AFG3L2: variants seen among roughly 807,000 people sequenced by gnomAD.
The protein encoded by AFG3L2 is AFG3 like matrix AAA peptidase subunit 2.
AFG3L2 carries 54 observed loss-of-function variants against 94.5 expected under a neutral mutation model. That is an observed-to-expected ratio of 0.57 (90% CI 0.46 to 0.72). AFG3L2 has a LOEUF of 0.72. Among genes scored for constraint, AFG3L2 ranks in the 30% least tolerant of loss-of-function variants. The pLI, the probability that AFG3L2 is intolerant of heterozygous loss-of-function variation, is 0.00. For missense variants in AFG3L2, 754 were observed against 994.9 expected (o/e 0.76, Z 3.26); for synonymous variants, 377 against 365.5 (o/e 1.03, Z -0.36).
rs181203431 is a variant in AFG3L2 at position 12,338,317 on chromosome 18, T to G, written c.1981-782A>C. Among the ~76,000 whole-genome samples the G allele has an allele frequency of 1.7e-3, 258 of 152,300 alleles. 7 individuals are homozygous for G. The highest frequency in any genetic ancestry group is 0.017 in the Admixed American group (254 of 15,292). ...ACCTGAAGAAACAAGAACCCCCAGCTGCCAACAGGTTCTTCCCAGAAGGAT... is the reference window on the plus strand; with the variant it reads ...ACCTGAAGAAACAAGAACCCCCAGCGGCCAACAGGTTCTTCCCAGAAGGAT... On this transcript the variant is annotated intron_variant, in intron 15 of 16. Transcript: ENST00000269143.
At position 12,337,442 on chromosome 18, in the gene AFG3L2, C is replaced by A. The variant is rs764867109; in HGVS notation, c.2074G>T (p.Ala692Ser). ...DMVLEKPYSE[A>S]TARLIDDEVR... ...TCATCATCTATCAATCTTGCAGTGG[C>A]TTCACTGTAAGGTTTCTCCAATACC... is the stretch of plus-strand genomic sequence containing the variant. Residue 692 changes from alanine (A) to serine (S), a missense_variant, in exon 16 of 17, where the codon GCC becomes TCC. Transcript: ENST00000269143. The A allele has an allele frequency of 1.2e-6, 2 of 1,613,662 alleles. No individual in the cohort carries two copies. Among genetic ancestry groups the A allele is most frequent in the Non-Finnish European group, 1.7e-6 (2 of 1,179,518 alleles).
intron 12 of AFG3L2, 62 bp from the exon 13 acceptor site, chr18:12,348,445 A>G: frequency 7.9e-7 from 1 of 1,259,384 alleles, no homozygotes. Flanking sequence ...CAGTCACACA[A>G]TATGGACAGC....
intron 2 of AFG3L2, 59 bp from the exon 3 acceptor site, chr18:12,370,985 C>A: frequency 8.7e-7 from 1 of 1,148,740 alleles, no homozygotes; most frequent in East Asian, 2.6e-5. Context: ...GGTTTGTGTT[C>A]ATTTTGTTTT....
At chr18:12,365,296 T>G (rs1353966336) in intron 5 of AFG3L2, among the ~76,000 whole-genome samples, 1 of 152,130 alleles carries the variant, frequency 6.6e-6, no homozygotes, top group Non-Finnish European at 1.5e-5. Context: ...AGAAGCCACC[T>G]CGAGGACCTG....
intron 1 of AFG3L2, among the ~76,000 whole-genome samples, chr18:12,374,641 C>G (rs928789355): frequency 6.6e-6 from 1 of 152,214 alleles, no homozygotes; most frequent in Non-Finnish European, 1.5e-5. Context: ...CTGAGTGATA[C>G]AGGGACAATA....
At chr18:12,340,134 A>G in intron 15 of AFG3L2, 67 bp downstream of exon 15, 2 of 1,421,844 alleles carry the variant, frequency 1.4e-6, no homozygotes, top group Non-Finnish European at 2.0e-6. Context: ...AGAGCCATTC[A>G]TAGAATGTCA....
intron 16 of AFG3L2, among the ~76,000 whole-genome samples, chr18:12,333,224 T>C (rs1399442734): frequency 8.2e-6 from 1 of 122,430 alleles, no homozygotes; most frequent in African/African-American, 3.2e-5. Context: ...ATCTATTATA[T>C]AAATATATGA....
intron 9 of AFG3L2, 122 bp from the exon 10 acceptor site, chr18:12,353,280 C>T (rs771466420): frequency 7.6e-5 from 93 of 1,217,528 alleles, no homozygotes; most frequent in Non-Finnish European, 9.8e-5. Flanking sequence ...TGTGGGAGGC[C>T]GAGGCTGGTG....
At chr18:12,342,411 T>C (rs1907982185) in intron 14 of AFG3L2, 1 of 152,224 alleles carries the variant, frequency 6.6e-6, no homozygotes, top group African/African-American at 2.4e-5. Flanking sequence ...TTTCTTATTA[T>C]TGAGTTCTAA....
chr18:12,352,589 G>C (rs966420283), intron 10 of AFG3L2, among the ~76,000 whole-genome samples: 1 of 152,160 alleles, frequency 6.6e-6, no homozygotes, highest in Non-Finnish European at 1.5e-5. Context: ...TAGAGAATGA[G>C]ATGGTAATTC....
intron 7 of AFG3L2, among the ~76,000 whole-genome samples, chr18:12,359,597 G>C (rs1346531780): frequency 6.6e-6 from 1 of 152,026 alleles, no homozygotes; most frequent in Admixed American, 6.6e-5. Context: ...AAATTAGCTG[G>C]GCATGGTGGT....
At chr18:12,335,871 T>C (rs898611511) in intron 16 of AFG3L2, among the ~76,000 whole-genome samples, 1 of 152,248 alleles carries the variant, frequency 6.6e-6, no homozygotes, top group Non-Finnish European at 1.5e-5. Flanking sequence ...CTGCACACTT[T>C]TGTGCACCGA....
chr18:12,356,568 G>T, intron 9 of AFG3L2, 126 bp downstream of exon 9: 1 of 1,383,826 alleles, frequency 7.2e-7, no homozygotes, highest in Non-Finnish European at 1.0e-6. Context: ...GGAGAGCTCA[G>T]GCCAGGGACT....
At chr18:12,333,699 T>C (rs939196226) in intron 16 of AFG3L2, among the ~76,000 whole-genome samples, 1 of 152,034 alleles carries the variant, frequency 6.6e-6, no homozygotes, top group East Asian at 1.9e-4. Context: ...ACACAAAACA[T>C]GATTGAGGTT....
chr18:12,353,039 C>G lies in AFG3L2; in HGVS notation c.1284G>C (p.Glu428Asp), dbSNP rs1168932758. 1.2e-6 allele frequency: 2 copies of G among 1,614,026 alleles called. No homozygotes were observed. The highest frequency in any genetic ancestry group is 1.7e-6 in the Non-Finnish European group (2 of 1,179,994). Residue 428 changes from glutamate to aspartate, a missense_variant, in exon 10 of 17, where the codon GAG becomes GAC. Physicochemically the swap from Glu to Asp is conservative, Grantham distance 45 (BLOSUM62 2). Coordinates refer to ENST00000269143, the MANE Select transcript of AFG3L2 (RefSeq NM_006796.3). ...CCACCAGCAGCTGGTTGAGTGTGTT[C>G]TCCTGCTCACTCTGCCCTCCAAAGT... ...RGNFGGQSEQ[E>D]NTLNQLLVEM...
At chr18:12,353,515 A>C (rs1050634054) in intron 9 of AFG3L2, among the ~76,000 whole-genome samples, 2 of 7,274 alleles carry the variant, frequency 2.7e-4, no homozygotes, top group Non-Finnish European at 7.3e-4. Flanking sequence ...ATTCTGTCTC[A>C]AAAAAAAAAA....
intron 16 of AFG3L2, among the ~76,000 whole-genome samples, chr18:12,332,855 C>A (rs1206569355): frequency 1.8e-5 from 1 of 55,084 alleles, no homozygotes; most frequent in East Asian, 3.6e-4. Flanking sequence ...CACACACACA[C>A]CATAGTTGTG....
At chr18:12,354,416 C>T (rs572779358) in intron 9 of AFG3L2, among the ~76,000 whole-genome samples, 1 of 152,250 alleles carries the variant, frequency 6.6e-6, no homozygotes, top group South Asian at 2.1e-4. Context: ...CACCCCACTG[C>T]TGCTGCCAAA....
chr18:12,331,822 T>A (rs1268926337), intron 16 of AFG3L2, among the ~76,000 whole-genome samples: 2 of 2,078 alleles, frequency 9.6e-4, no homozygotes, highest in African/African-American at 1.6e-3. Context: ...TATATATATA[T>A]ATATATATAT....
Sources: allele counts gnomAD v4.1 joint callset (sites outside exome capture counted in the v4.1 genomes callset), GRCh38; gene constraint gnomAD v4.1.1; transcripts MANE v1.5; gene names NCBI Gene and HGNC (gene_info 2026-07-23, HGNC 2026-07-21).